The following MEGF10 variants were observed in gnomAD, a reference collection of about 807,000 sequenced individuals.
The protein encoded by MEGF10 is multiple EGF like domains 10.
MEGF10 carries 86 observed loss-of-function variants against 147.5 expected under a neutral mutation model. The ratio of observed to expected loss-of-function variants is 0.58; its 90% confidence interval spans 0.49 to 0.70. The LOEUF (loss-of-function observed/expected upper bound fraction) is 0.70, where lower values mean the gene tolerates loss of function less well. Ranked by LOEUF, MEGF10 falls within the 30% of genes least tolerant of loss-of-function variation. MEGF10 has a pLI of 0.00. For synonymous variants in MEGF10, 478 were observed against 525.5 expected, an observed-to-expected ratio of 0.91 and a Z score of 1.24; for missense variants, 1,329 against 1,487.3, an observed-to-expected ratio of 0.89 and a Z score of 1.75.
At chr5:127,313,475 C>T (rs1760385459) in intron 1 of MEGF10, among the ~76,000 whole-genome samples, 1 of 152,182 alleles carries the variant, frequency 6.6e-6, no homozygotes, top group Non-Finnish European at 1.5e-5. Context: ...ACTTAACCTA[C>T]TCATCCGATT....
At chr5:127,321,191 T>G (rs536220538) in intron 1 of MEGF10, among the ~76,000 whole-genome samples, 1 of 152,288 alleles carries the variant, frequency 6.6e-6, no homozygotes, top group South Asian at 2.1e-4. Context: ...CATGGCCAAG[T>G]CATCTTAACT....
At chr5:127,251,096 A>G in the MEGF10 span, among the ~76,000 whole-genome samples, 16 of 152,118 alleles carry the variant, frequency 1.1e-4, no homozygotes, top group Admixed American at 1.0e-3. Flanking sequence ...GAAACTTAAC[A>G]TGCTATTTTA....
rs1002949759 is a variant in MEGF10 at position 127,349,793 on chromosome 5, T to C, written c.319+9163T>C. The stretch of plus-strand genomic sequence containing the variant: ...GATGGATCATACTGAACCTACCACC[T>C]GTTCTAGATGGCGTACCCAGTATTC... On this transcript the variant is annotated intron_variant, in intron 4 of 24. Transcript: ENST00000503335. 5.7e-4 allele frequency among the ~76,000 whole-genome samples: 86 copies of C among 152,198 alleles called. 2 individuals are homozygous for C. The highest frequency in any genetic ancestry group is 1.4e-3 in the Admixed American group (21 of 15,270).
chr5:127,312,207 G>A (rs1343254963), intron 1 of MEGF10, among the ~76,000 whole-genome samples: 1 of 152,182 alleles, frequency 6.6e-6, no homozygotes, highest in Non-Finnish European at 1.5e-5. Context: ...AAGCAGCCCA[G>A]GTCCCACTTC....
At chr5:127,391,046 C>T (rs6874392) in intron 5 of MEGF10, among the ~76,000 whole-genome samples, 25,289 of 149,044 alleles carry the variant, frequency 0.17, 2,385 homozygotes, top group African/African-American at 0.24. Context: ...CTTTTATGAA[C>T]GGTTATTGTC....
At chr5:127,246,425 A>G in the MEGF10 span, among the ~76,000 whole-genome samples, 2 of 151,990 alleles carry the variant, frequency 1.3e-5, no homozygotes, top group Non-Finnish European at 2.9e-5. Context: ...GGGTACAGGG[A>G]GGGGAACATC....
rs1186267576 is a variant in MEGF10 at position 127,435,373 on chromosome 5, G to C, written c.1988G>C (p.Gly663Ala). The change falls in exon 16 of 25, where the codon GGC becomes GCC. Residue 663 changes from glycine to alanine, a missense_variant. This residue lies in a region of MEGF10 where 980 missense variants were observed against 1,085.9 expected (regional missense o/e 0.90). Transcript: ENST00000503335. ...GALCNEVCPS[G>A]RFGKNCAGIC... ...AGCTTATTCACAGTGTGTCCCAGTGGCAGATTTGGGAAAAACTGTGCAGGA... is the reference window on the plus strand; with the variant it reads ...AGCTTATTCACAGTGTGTCCCAGTGCCAGATTTGGGAAAAACTGTGCAGGA... 1 of 1,613,822 alleles carries C rather than the reference G, an allele frequency of 6.2e-7. No homozygotes were observed. Among genetic ancestry groups the C allele is most frequent in the African/African-American group, 1.3e-5 (1 of 74,902 alleles).
At position 127,445,585 on chromosome 5, in the gene MEGF10, G is replaced by C; in HGVS notation, c.2620G>C (p.Ala874Pro). The C allele has an allele frequency of 1.2e-6, 2 of 1,613,974 alleles. No homozygotes were observed. Among genetic ancestry groups the C allele is most frequent in the Non-Finnish European group, 1.7e-6 (2 of 1,179,972 alleles). ...ILVLVVLFLL[A>P]LFIIYRHKQK... ...TGTCCTAGTTGTTCTCTTCCTACTG[G>C]CATTGTTCATTATTTATAGACACAA... The change falls in exon 20 of 25, where the codon GCA becomes CCA. Residue 874 changes from alanine to proline, a missense_variant. Physicochemically the swap from Ala to Pro is conservative, Grantham distance 27. Around this residue, in one of 3 missense-constraint regions of MEGF10, gnomAD observed 343 missense variants for 377.9 expected, o/e 0.91. Coordinates refer to ENST00000503335, the MANE Select transcript of MEGF10 (RefSeq NM_001256545.2).
At chr5:127,393,394 T>C (rs943120738) in intron 5 of MEGF10, among the ~76,000 whole-genome samples, 11 of 152,246 alleles carry the variant, frequency 7.2e-5, no homozygotes, top group Non-Finnish European at 1.5e-5. Flanking sequence ...TTATATGCTG[T>C]AGACTGTGTA....
At chr5:127,357,044 G>A (rs1012173726) in intron 4 of MEGF10, among the ~76,000 whole-genome samples, 3 of 152,210 alleles carry the variant, frequency 2.0e-5, no homozygotes, top group Non-Finnish European at 4.4e-5. Flanking sequence ...CATACACTGG[G>A]TAATTTTAAA....
In MEGF10 at chr5:127,424,630, G is replaced by A. The variant is rs190363607; in HGVS notation, c.1693+1858G>A. On this transcript the variant is annotated intron_variant, in intron 13 of 24. Transcript: ENST00000503335. The stretch of plus-strand genomic sequence containing the variant: ...TGTGCTTGATTTCTAGTGTCTGAGA[G>A]CTACCTTGGGAAACAGGCTAAGGCT... 3 of 1,194,542 alleles carry A rather than the reference G, an allele frequency of 2.5e-6. No individual in the cohort carries two copies. The Admixed American group carries it at 1.2e-4, about 48-fold the overall frequency. The allele number at this position is 1,194,542 out of a possible 1,614,324, so 74.0% of individuals were successfully genotyped here. A position where few individuals can be genotyped will look rare whatever the true frequency, so the allele number is the denominator to read the frequency against.
At chr5:127,263,683 A>G in the MEGF10 span, among the ~76,000 whole-genome samples, 1 of 152,178 alleles carries the variant, frequency 6.6e-6, no homozygotes, top group African/African-American at 2.4e-5. Context: ...ATGGGATTTG[A>G]ACAGACATAA....
intron 5 of MEGF10, among the ~76,000 whole-genome samples, chr5:127,375,375 C>A (rs1345755728): frequency 6.6e-6 from 1 of 152,202 alleles, no homozygotes. Context: ...AGTCAGTGTT[C>A]CTGGCTTTCC....
At chr5:127,418,580 G>C (rs1455214342) in intron 10 of MEGF10, among the ~76,000 whole-genome samples, 12 of 152,174 alleles carry the variant, frequency 7.9e-5, no homozygotes, top group Non-Finnish European at 2.9e-5. Context: ...GTTTTGAAAG[G>C]AGATGACCTC....
At chr5:127,281,997 C>G in the MEGF10 span, among the ~76,000 whole-genome samples, 7 of 152,350 alleles carry the variant, frequency 4.6e-5, no homozygotes, top group African/African-American at 1.7e-4. Context: ...ACAATGGGAA[C>G]AGAAGCTGCC....
At chr5:127,422,453 G>T (rs540701493) in intron 12 of MEGF10, among the ~76,000 whole-genome samples, 2 of 152,268 alleles carry the variant, frequency 1.3e-5, no homozygotes, top group African/African-American at 4.8e-5. Flanking sequence ...GGCCGAGGTT[G>T]CGCTGAGCTG....
chr5:127,374,247 G>A (rs1308246194), intron 5 of MEGF10, among the ~76,000 whole-genome samples: 5 of 152,248 alleles, frequency 3.3e-5, no homozygotes, highest in Admixed American at 1.3e-4. Context: ...AAGAGCACAA[G>A]TGCACTACGT....
At chr5:127,346,555 G>A (rs766059314) in intron 4 of MEGF10, among the ~76,000 whole-genome samples, 1 of 151,956 alleles carries the variant, frequency 6.6e-6, no homozygotes, top group African/African-American at 2.4e-5. Context: ...TGATGGGATT[G>A]TTTGTTTGTT....
chr5:127,395,536 C>CTTTT (rs35926205), intron 5 of MEGF10, among the ~76,000 whole-genome samples: 2 of 65,574 alleles, frequency 3.0e-5, no homozygotes, highest in African/African-American at 6.2e-5. Context: ...TGACTGATAT[C>CTTTT]TTTTTTTTTT....
Sources: allele counts gnomAD v4.1 joint callset (sites outside exome capture counted in the v4.1 genomes callset), GRCh38; gene constraint gnomAD v4.1.1; regional missense constraint gnomAD v4.1.1; transcripts MANE v1.5; gene names NCBI Gene and HGNC (gene_info 2026-07-23, HGNC 2026-07-21).